Variants in TMC1 observed in about 807,000 individuals in gnomAD.
TMC1 encodes the protein transmembrane channel-like protein 1.
In TMC1, 84 loss-of-function variants were observed where a neutral mutation model predicts 105.8. That is an observed-to-expected ratio of 0.79 (90% CI 0.67 to 0.95). The LOEUF (loss-of-function observed/expected upper bound fraction) is 0.95. Ranked by LOEUF, TMC1 falls within the 40% of genes least tolerant of loss-of-function variation. The probability of loss-of-function intolerance (pLI) is 0.00; values close to 1 mark genes in which losing one functional copy is unlikely to be tolerated. For missense variants in TMC1, 817 were observed against 914.1 expected, an observed-to-expected ratio of 0.89 and a Z score of 1.37; for synonymous variants, 315 against 311.5, an observed-to-expected ratio of 1.01 and a Z score of -0.12.
chr9:72,583,518 A>ATT (rs1353783788), intron 2 of TMC1, among the ~76,000 whole-genome samples: 1 of 152,226 alleles, frequency 6.6e-6, no homozygotes, highest in African/African-American at 2.4e-5. Flanking sequence ...CTGAGACTCA[A>ATT]TTGTTTGCTG....
chr9:72,534,882 G>A lies in TMC1; in HGVS notation c.-428+12969G>A, dbSNP rs1004505063. Among the ~76,000 whole-genome samples, 10 of 152,274 alleles carry A rather than the reference G, an allele frequency of 6.6e-5. 1 individual carries two copies. In the South Asian group the frequency reaches 2.1e-3, roughly 32 times the overall value. On this transcript the variant is annotated intron_variant, in intron 1 of 23. Coordinates refer to ENST00000297784, the MANE Select transcript of TMC1 (RefSeq NM_138691.3). ...TGGCAGCCTGTTATAAAGATTTAGAGTATTCAAAGATAAAGGCAAATAAAA... is the reference window on the plus strand; with the variant it reads ...TGGCAGCCTGTTATAAAGATTTAGAATATTCAAAGATAAAGGCAAATAAAA...
intron 8 of TMC1, among the ~76,000 whole-genome samples, chr9:72,702,403 G>A (rs1826660344): frequency 6.6e-6 from 1 of 152,112 alleles, no homozygotes; most frequent in Admixed American, 6.5e-5. Flanking sequence ...ATTTGATCGA[G>A]TTGTGTAGTC....
At chr9:72,791,585 A>G (rs1828267592) in intron 15 of TMC1, among the ~76,000 whole-genome samples, 2 of 152,214 alleles carry the variant, frequency 1.3e-5, no homozygotes, top group South Asian at 4.1e-4. Flanking sequence ...CAGTTACCAC[A>G]TAGAACAATA....
chr9:72,669,259 G>A (rs944340442), intron 5 of TMC1, among the ~76,000 whole-genome samples: 1 of 152,000 alleles, frequency 6.6e-6, no homozygotes, highest in Non-Finnish European at 1.5e-5. Flanking sequence ...CAGTGAGCTG[G>A]AATTGCACCA....
intron 8 of TMC1, among the ~76,000 whole-genome samples, chr9:72,721,115 C>T (rs934312466): frequency 6.6e-5 from 10 of 152,132 alleles, no homozygotes; most frequent in East Asian, 1.9e-4. Flanking sequence ...GCCTCATTGA[C>T]GTAAATATTT....
intron 10 of TMC1, among the ~76,000 whole-genome samples, chr9:72,744,821 G>T (rs1827462572): frequency 6.6e-6 from 1 of 152,170 alleles, no homozygotes; most frequent in South Asian, 2.1e-4. Flanking sequence ...ATAGGCTATA[G>T]CCAGTGAAAC....
chr9:72,725,374 T>TAC (rs371189448), intron 8 of TMC1, among the ~76,000 whole-genome samples: 1 of 137,442 alleles, frequency 7.3e-6, no homozygotes, highest in Admixed American at 7.4e-5. Flanking sequence ...TATATGTATA[T>TAC]ACACACACAC....
At chr9:72,726,046 T>G (rs1465210609) in intron 8 of TMC1, among the ~76,000 whole-genome samples, 1 of 152,168 alleles carries the variant, frequency 6.6e-6, no homozygotes, top group Non-Finnish European at 1.5e-5. Flanking sequence ...ATTAATTCTT[T>G]GTACCCCTCA....
Position 72,821,078 on chromosome 9 carries a change from T to A in TMC1, c.2000T>A (p.Phe667Tyr), listed in dbSNP as rs1272560690. ...SLPPSFDCGP[F>Y]SGKNRMFEVI... ...CCACCATCTTTTGATTGTGGTCCAT[T>A]CAGGTCTCTTGCTTTTGAAATTTGA... Residue 667 changes from phenylalanine to tyrosine, a missense_variant, in exon 20 of 24, where the codon TTC (phenylalanine) becomes TAC (tyrosine). Coordinates refer to ENST00000297784, the MANE Select transcript of TMC1 (RefSeq NM_138691.3). The A allele has an allele frequency of 3.1e-6, 5 of 1,614,164 alleles. No homozygotes were observed. The highest frequency in any genetic ancestry group is 4.2e-6 in the Non-Finnish European group (5 of 1,180,028).
chr9:72,784,117 C>G (rs1227553226), intron 13 of TMC1, among the ~76,000 whole-genome samples: 1 of 152,040 alleles, frequency 6.6e-6, no homozygotes, highest in African/African-American at 2.4e-5. Flanking sequence ...AATTTATCAA[C>G]AGACTAAACA....
chr9:72,700,667 A>G (rs1342424716), intron 8 of TMC1, 24 bp downstream of exon 8: 1 of 1,550,554 alleles, frequency 6.4e-7, no homozygotes, highest in Non-Finnish European at 8.8e-7. Context: ...TTTTATAAGT[A>G]GAAACACTTT....
intron 1 of TMC1, among the ~76,000 whole-genome samples, chr9:72,537,580 G>T (rs548223639): frequency 8.5e-5 from 13 of 152,278 alleles, no homozygotes; most frequent in Middle Eastern, 3.4e-3. Flanking sequence ...TTTATTTTGC[G>T]ATGGTTAAGG....
intron 19 of TMC1, among the ~76,000 whole-genome samples, chr9:72,820,160 T>C (rs1411551322): frequency 6.6e-6 from 1 of 152,238 alleles, no homozygotes; most frequent in Admixed American, 6.5e-5. Context: ...AAGCTAGTTA[T>C]AAATTTTCAA....
chr9:72,825,819 G>A (rs1250353804), intron 20 of TMC1, among the ~76,000 whole-genome samples: 2 of 152,000 alleles, frequency 1.3e-5, no homozygotes, highest in African/African-American at 2.4e-5. Flanking sequence ...TGTATCATAA[G>A]TCTTGAAAAT....
intron 3 of TMC1, among the ~76,000 whole-genome samples, chr9:72,624,213 G>A (rs1278956215): frequency 6.6e-6 from 1 of 152,118 alleles, no homozygotes; most frequent in Non-Finnish European, 1.5e-5. Flanking sequence ...TAGCACCATA[G>A]TGATTGCAGC....
chr9:72,558,936 G>T (rs2132077533), intron 1 of TMC1, among the ~76,000 whole-genome samples: 1 of 151,914 alleles, frequency 6.6e-6, no homozygotes, highest in East Asian at 1.9e-4. Context: ...TATAAGAAAT[G>T]CAATTAAAAA....
rs200534066 is a variant in TMC1 at position 72,725,347 on chromosome 9, A to G, written c.363-14772A>G. Among the ~76,000 whole-genome samples, 387 of 97,152 alleles carry G rather than the reference A, an allele frequency of 4.0e-3. 5 individuals carry two copies. The highest frequency in any genetic ancestry group is 0.014 in the African/African-American group (356 of 24,972). The allele number at this position is 97,152 out of a possible 152,430, so 63.7% of individuals were successfully genotyped here. On this transcript the variant is annotated intron_variant, in intron 8 of 23. Coordinates refer to ENST00000297784, the MANE Select transcript of TMC1 (RefSeq NM_138691.3). Reference sequence around the variant, plus strand: ...TATGTATATATATATATATATATATATATATATATATATATATATATGTAT... The same window carrying G: ...TATGTATATATATATATATATATATGTATATATATATATATATATATGTAT...
intron 2 of TMC1, among the ~76,000 whole-genome samples, chr9:72,606,947 A>ATATG (rs35412597): frequency 1.8e-4 from 27 of 148,162 alleles, no homozygotes; most frequent in East Asian, 1.6e-3. Context: ...AGGTTTATAT[A>ATATG]TATGTATGTA....
intron 21 of TMC1, among the ~76,000 whole-genome samples, chr9:72,828,635 C>G (rs1828996131): frequency 6.6e-6 from 1 of 152,224 alleles, no homozygotes; most frequent in Non-Finnish European, 1.5e-5. Context: ...ATTCCCATAA[C>G]AGCTTTGAGA....
Sources: allele counts gnomAD v4.1 joint callset (sites outside exome capture counted in the v4.1 genomes callset), GRCh38; gene constraint gnomAD v4.1.1; transcripts MANE v1.5; gene names NCBI Gene and HGNC (gene_info 2026-07-23, HGNC 2026-07-21).